Variants in DIS3L observed in about 807,000 individuals in gnomAD.
DIS3L encodes the protein DIS3 like exosome 3'-5' exoribonuclease.
A neutral mutation model predicts 120.3 loss-of-function variants in DIS3L; 100 were observed. The ratio of observed to expected loss-of-function variants is 0.83; its 90% CI spans 0.71 to 0.98. The LOEUF (loss-of-function observed/expected upper bound fraction) is 0.98. Ranked by LOEUF, DIS3L falls within the 50% of genes least tolerant of loss-of-function variation. The probability of loss-of-function intolerance (pLI) is 0.00; values close to 1 mark genes in which losing one functional copy is unlikely to be tolerated. For synonymous variants in DIS3L, 426 were observed against 470.6 expected (o/e 0.91, Z 1.23); for missense variants, 1,196 against 1,314.2 (o/e 0.91, Z 1.39).
At chr15:66,304,280 G>A (rs574108441) in intron 2 of DIS3L, among the ~76,000 whole-genome samples, 1 of 151,404 alleles carries the variant, frequency 6.6e-6, no homozygotes, top group African/African-American at 2.4e-5. Context: ...ACAAGACCCC[G>A]TCTCTACAAA....
At chr15:66,326,498 T>C in intron 12 of DIS3L, 134 bp downstream of exon 12, 1 of 1,004,564 alleles carries the variant, frequency 1.0e-6, no homozygotes, top group South Asian at 1.7e-5. Flanking sequence ...TCCTCATTTT[T>C]GAAGACACAT....
rs959410074 is a variant in DIS3L at position 66,313,736 on chromosome 15, A to G, written c.736-303A>G. ...CAGAGCAGAACTCCATCTCGACAAA[A>G]AGAGAAAAAAAAGTGTATATGTGTG... is the stretch of plus-strand genomic sequence containing the variant. On this transcript the variant is annotated intron_variant, in intron 5 of 16. Coordinates refer to ENST00000319212, the MANE Select transcript of DIS3L (RefSeq NM_001143688.3). Among the ~76,000 whole-genome samples, 14 of 151,880 alleles carry G rather than the reference A, an allele frequency of 9.2e-5. No homozygotes were observed. In the South Asian group the frequency reaches 2.9e-3, roughly 32 times the overall value.
At chr15:66,315,658 C>T (rs1025434406) in intron 7 of DIS3L, among the ~76,000 whole-genome samples, 1 of 152,284 alleles carries the variant, frequency 6.6e-6, no homozygotes, top group South Asian at 2.1e-4. Context: ...TAATGGCTTC[C>T]ATCTTAAAAT....
At chr15:66,315,698 T>C (rs1232568739) in intron 7 of DIS3L, among the ~76,000 whole-genome samples, 1 of 152,204 alleles carries the variant, frequency 6.6e-6, no homozygotes, top group African/African-American at 2.4e-5. Context: ...GAGTCCCATG[T>C]CCCTTTCAGC....
rs753411654 is a variant in DIS3L at position 66,306,861 on chromosome 15, C to T, written c.331C>T (p.Arg111Cys). The change falls in exon 3 of 17, where the codon CGT (arginine) becomes TGT (cysteine). Residue 111 changes from arginine to cysteine, a missense_variant. Coordinates refer to ENST00000319212, the MANE Select transcript of DIS3L (RefSeq NM_001143688.3). ...ACTGCGAAACCTGCTGAAGGATGCG[C>T]GTCATGATTGCATTCTCTTTGCTAA... ...NKLRNLLKDA[R>C]HDCILFANEF... is the part of the protein sequence containing the mutation. 22 of 1,614,024 alleles carry T rather than the reference C, an allele frequency of 1.4e-5. No homozygotes were observed. Among genetic ancestry groups the T allele is most frequent in the East Asian group, 6.7e-5 (3 of 44,900 alleles).
chr15:66,300,352 T>C (rs1292381094), intron 2 of DIS3L, among the ~76,000 whole-genome samples: 2 of 152,174 alleles, frequency 1.3e-5, no homozygotes, highest in Non-Finnish European at 2.9e-5. Context: ...GGTATATCAA[T>C]AGCAACAGAA....
Position 66,331,973 on chromosome 15 carries a change from A to G in DIS3L, c.2634A>G (p.Gly878=). 6.2e-7 allele frequency: 1 copy of G among 1,613,078 alleles called. No homozygotes were observed. Among genetic ancestry groups the G allele is most frequent in the Non-Finnish European group, 8.5e-7 (1 of 1,179,656 alleles). ...CCGAGGAGCGTTGCATATCTGACGG[A>G]GTTATTTATTCAATTAGAACAAATG... is the stretch of plus-strand genomic sequence containing the variant. The part of the protein sequence containing the change: ...PATEERCISD[G]VIYSIRTNGV... The change falls in exon 15 of 17, where the codon GGA becomes GGG. Residue 878 remains glycine, a synonymous_variant. Transcript: ENST00000319212.
Position 66,326,381 on chromosome 15 carries a change from G to A in DIS3L, c.2201+17G>A. ...AGATACACGGTATTCCTCTTTTGAG[G>A]GGGCAGAGGAATGGAGTGGCATGCT... On this transcript the variant is annotated intron_variant, in intron 12 of 16. Transcript: ENST00000319212. The A allele has an allele frequency of 1.2e-6, 2 of 1,607,268 alleles. No individual in the cohort carries two copies. Among genetic ancestry groups the A allele is most frequent in the Non-Finnish European group, 1.7e-6 (2 of 1,175,398 alleles).
intron 9 of DIS3L, 132 bp downstream of exon 9, chr15:66,320,864 C>G: frequency 8.8e-7 from 1 of 1,142,404 alleles, no homozygotes; most frequent in Non-Finnish European, 1.2e-6. Context: ...ATGGAAAAAT[C>G]TCAATCCTCT....
rs1233827551 is a variant in DIS3L, at chr15:66,332,512, GTGTATA to G, written c.2682-222_2682-217del. ...TGTGTGTGTGTGTGTGTGTGTGTGT[GTGTATA>G]TATATACACACACACTTCTATATCC... On this transcript the variant is annotated intron_variant, in intron 15 of 16. Coordinates refer to ENST00000319212, the MANE Select transcript of DIS3L (RefSeq NM_001143688.3). Among the ~76,000 whole-genome samples, 25 of 68,858 alleles carry G rather than the reference GTGTATA, an allele frequency of 3.6e-4. 1 individual carries two copies. In the South Asian group the frequency reaches 9.5e-3, roughly 26 times the overall value. The allele number at this position is 68,858 out of a possible 152,430, so 45.2% of individuals were successfully genotyped here. A position where few individuals can be genotyped will look rare whatever the true frequency, so the allele number is the denominator to read the frequency against.
rs762522516 is a variant in DIS3L, at chr15:66,315,197, A to G, written c.976A>G (p.Ser326Gly). 21 of 1,613,178 alleles carry G rather than the reference A, an allele frequency of 1.3e-5. No homozygotes were observed. The highest frequency in any genetic ancestry group is 2.7e-5 in the African/African-American group (2 of 75,042). ...CDDKASGESP[S>G]EPMPTGRVVG... ...CGACAAGGCTTCGGGCGAGTCCCCA[A>G]GTGAGCCCATGCCTACAGGTGAGCC... Residue 326 changes from serine (S) to glycine (G), a missense_variant, in exon 7 of 17, where the codon AGT becomes GGT. Transcript: ENST00000319212.
chr15:66,299,185 G>A lies in DIS3L; in HGVS notation c.293+4044G>A, dbSNP rs187403740. Among the ~76,000 whole-genome samples the A allele has an allele frequency of 2.7e-3, 415 of 152,322 alleles. 1 individual carries two copies. Among genetic ancestry groups the A allele is most frequent in the African/African-American group, 9.6e-3 (401 of 41,568 alleles). ...AAAGAATGCCTGGGTGGGATGGAAG[G>A]CCTCATGGCCTCAGGGATGTCAGGG... is the stretch of plus-strand genomic sequence containing the variant. On this transcript the variant is annotated intron_variant, in intron 2 of 16. Transcript: ENST00000319212.
intron 2 of DIS3L, among the ~76,000 whole-genome samples, chr15:66,296,245 G>A (rs1269870600): frequency 1.3e-5 from 2 of 152,106 alleles, no homozygotes; most frequent in Non-Finnish European, 2.9e-5. Context: ...TTAATGTTAA[G>A]GATTGTTTTA....
At chr15:66,315,305 T>TTTTA in intron 7 of DIS3L, 90 bp downstream of exon 7, 2 of 1,199,790 alleles carry the variant, frequency 1.7e-6, no homozygotes, top group Non-Finnish European at 2.2e-6. Context: ...ACTGCCCTTA[T>TTTTA]TTTATTTATT....
In DIS3L at chr15:66,311,904, AG is replaced by A. The variant is rs772237654; in HGVS notation, c.735+7del. On this transcript the variant is annotated splice_donor_5th_base_variant and intron_variant, in intron 5 of 16. Transcript: ENST00000319212. ...TAAATCTGGACGCTATATCCAGGTG[AG>A]GGTGGTAATTTAGAATGTGTCAGGG... 1.1e-5 allele frequency: 18 copies of A among 1,613,504 alleles called. No homozygotes were observed. Among genetic ancestry groups the A allele is most frequent in the Non-Finnish European group, 1.5e-5 (18 of 1,179,630 alleles).
intron 7 of DIS3L, among the ~76,000 whole-genome samples, chr15:66,317,872 CAA>C (rs912858389): frequency 3.4e-5 from 5 of 148,648 alleles, no homozygotes; most frequent in African/African-American, 7.4e-5. Flanking sequence ...CGAACAAAAA[CAA>C]AAAGTGTTTT....
rs374663839 is a variant in DIS3L at position 66,320,015 on chromosome 15, G to C, written c.1165-556G>C. On this transcript the variant is annotated intron_variant, in intron 8 of 16. Coordinates refer to ENST00000319212, the MANE Select transcript of DIS3L (RefSeq NM_001143688.3). ...GGTACACGCTTGTAATCCTAGCTAT[G>C]TGAGAGGCTGAGGCAGGAGGATCAC... Among the ~76,000 whole-genome samples the C allele has an allele frequency of 1.1e-3, 163 of 150,770 alleles. 3 individuals are homozygous for C. The South Asian group carries it at 0.033, about 31-fold the overall frequency.
chr15:66,332,625 A>G (rs747215535), intron 15 of DIS3L, 111 bp from the exon 16 acceptor site: 8 of 1,110,714 alleles, frequency 7.2e-6, no homozygotes, highest in Non-Finnish European at 1.0e-5. Context: ...AAACCACAGG[A>G]AAAGTGATTT....
At chr15:66,301,037 C>G (rs1025296947) in intron 2 of DIS3L, among the ~76,000 whole-genome samples, 1 of 152,146 alleles carries the variant, frequency 6.6e-6, no homozygotes, top group African/African-American at 2.4e-5. Context: ...GTAGGTCTTT[C>G]CACTGGTGTG....
Sources: allele counts gnomAD v4.1 joint callset (sites outside exome capture counted in the v4.1 genomes callset), GRCh38; gene constraint gnomAD v4.1.1; transcripts MANE v1.5; gene names NCBI Gene and HGNC (gene_info 2026-07-23, HGNC 2026-07-21).